The following AHSP variants were observed in gnomAD, a reference collection of about 807,000 sequenced individuals.
AHSP encodes the protein alpha-hemoglobin-stabilizing protein.
A neutral mutation model predicts 2.7 loss-of-function variants in AHSP; 5 were observed. That is an observed-to-expected ratio of 1.86 (90% CI 0.97 to 3.92). The LOEUF is 3.92. Among genes scored for constraint, AHSP ranks in the 30% most tolerant of loss-of-function variants. The probability of loss-of-function intolerance (pLI) is 0.00; values close to 1 mark genes in which losing one functional copy is unlikely to be tolerated. For synonymous variants in AHSP, 50 were observed against 48.4 expected, an observed-to-expected ratio of 1.03 and a Z score of -0.14; for missense variants, 134 against 119.8, an observed-to-expected ratio of 1.12 and a Z score of -0.55.
intron 2 of AHSP, 59 bp downstream of exon 2, chr16:31,528,273 G>T (rs1369416821): frequency 7.2e-6 from 11 of 1,522,002 alleles, no homozygotes; most frequent in Non-Finnish European, 1.0e-5. Context: ...TGCCGGGGAA[G>T]TGGAGGAAGA....
rs2082742085 is a variant in AHSP at position 31,528,465 on chromosome 16, A to G, written c.83A>G (p.Asn28Ser). 2.5e-6 allele frequency: 4 copies of G among 1,614,116 alleles called. No individual in the cohort carries two copies. The highest frequency in any genetic ancestry group is 2.2e-5 in the East Asian group (1 of 44,876). ...CTCTCCGCAACCCCCCAGGTCTTCA[A>G]TGATCCTCTCGTCTCTGAAGAAGAC... ...FSVLLNQQVF[N>S]DPLVSEEDMV... The change falls in exon 3 of 3, where the codon AAT (asparagine) becomes AGT (serine). Residue 28 changes from asparagine to serine, a missense_variant. Physicochemically the swap from Asn to Ser is conservative, Grantham distance 46 (BLOSUM62 1). Coordinates refer to ENST00000302312, the MANE Select transcript of AHSP (RefSeq NM_016633.4).
In AHSP at chr16:31,528,718, A is replaced by G. The variant is rs750086612; in HGVS notation, c.*27A>G. 6.3e-7 allele frequency: 1 copy of G among 1,589,366 alleles called. No homozygotes were observed. Among genetic ancestry groups the G allele is most frequent in the Admixed American group, 1.7e-5 (1 of 58,664 alleles). On this transcript the variant is annotated 3_prime_UTR_variant, in exon 3 of 3. Coordinates refer to ENST00000302312, the MANE Select transcript of AHSP (RefSeq NM_016633.4). ...TCAGGGACCCAGCCCCTCCTCTCTG[A>G]GAAACTCTGACCTTCATGTCCTTAG...
At position 31,528,634 on chromosome 16, in the gene AHSP, G is replaced by A. The variant is rs1470977859; in HGVS notation, c.252G>A (p.Lys84=). 1 of 1,614,074 alleles carries A rather than the reference G, an allele frequency of 6.2e-7. No individual in the cohort carries two copies. Among genetic ancestry groups the A allele is most frequent in the Non-Finnish European group, 8.5e-7 (1 of 1,180,024 alleles). ...LNTLANPFLA[K]YRDFLKSHEL... ...CTCTGGCCAACCCTTTCCTGGCCAA[G>A]TACAGGGACTTCCTGAAGTCTCATG... is the stretch of plus-strand genomic sequence containing the variant. The change falls in exon 3 of 3, where the codon AAG becomes AAA. Residue 84 remains lysine, a synonymous_variant. Coordinates refer to ENST00000302312, the MANE Select transcript of AHSP (RefSeq NM_016633.4).
chr16:31,528,122 T>C lies in AHSP; in HGVS notation c.-4-14T>C. ...GGAAACAGATATGTAAATTCTACCC[T>C]TTTCTCTACCCAGGCAGATGGCTCT... On this transcript the variant is annotated splice_polypyrimidine_tract_variant and intron_variant, in intron 1 of 2. Transcript: ENST00000302312. 6.8e-6 allele frequency: 11 copies of C among 1,606,696 alleles called. No homozygotes were observed. The highest frequency in any genetic ancestry group is 9.4e-6 in the Non-Finnish European group (11 of 1,173,738).
Position 31,528,528 on chromosome 16 carries a change from T to A in AHSP, c.146T>A (p.Ile49Asn). The stretch of plus-strand genomic sequence containing the variant: ...GTGGAGGACTGGATGAACTTCTACA[T>A]CAACTATTACAGGCAGCAGGTGACA... ...TVVEDWMNFY[I>N]NYYRQQVTGE... The change falls in exon 3 of 3, where the codon ATC becomes AAC. Residue 49 changes from isoleucine (I) to asparagine (N), a missense_variant. Physicochemically the swap from Ile to Asn is moderately radical, Grantham distance 149. Transcript: ENST00000302312. The A allele has an allele frequency of 6.2e-7, 1 of 1,614,104 alleles. No homozygotes were observed. Among genetic ancestry groups the A allele is most frequent in the African/African-American group, 1.3e-5 (1 of 75,006 alleles).
chr16:31,528,084 A>G, intron 1 of AHSP, 52 bp from the exon 2 acceptor site: 2 of 1,424,438 alleles, frequency 1.4e-6, no homozygotes. Context: ...TGGGGGAAAT[A>G]CCCAGTGAGG....
intron 1 of AHSP, 77 bp from the exon 2 acceptor site, chr16:31,528,059 G>A: frequency 8.5e-7 from 1 of 1,183,182 alleles, no homozygotes; most frequent in Non-Finnish European, 1.3e-6. Context: ...GGATTTTTAA[G>A]GGGAGGAAGT....
In AHSP at chr16:31,528,351, A is replaced by G. The variant is rs1362518188; in HGVS notation, c.76-107A>G. ...CAACGAGAGACACGGGATACAATGC[A>G]GAGGAAAGAGAATGTGAGAGTTGGT... On this transcript the variant is annotated intron_variant, in intron 2 of 2. Transcript: ENST00000302312. 3.1e-6 allele frequency: 4 copies of G among 1,298,350 alleles called. No homozygotes were observed. The East Asian group carries it at 9.3e-5, about 30-fold the overall frequency. 80.4% of individuals were successfully genotyped at this position (1,298,350 alleles called of 1,614,324 possible).
chr16:31,528,703 A>G lies in AHSP; in HGVS notation c.*12A>G. ...CGCCCTCCTCCTAGCTCAGGGACCC[A>G]GCCCCTCCTCTCTGAGAAACTCTGA... is the stretch of plus-strand genomic sequence containing the variant. On this transcript the variant is annotated 3_prime_UTR_variant, in exon 3 of 3. Transcript: ENST00000302312. The G allele has an allele frequency of 6.2e-7, 1 of 1,606,696 alleles. No individual in the cohort carries two copies. Among genetic ancestry groups the G allele is most frequent in the South Asian group, 1.1e-5 (1 of 90,290 alleles).
intron 2 of AHSP, 70 bp from the exon 3 acceptor site, chr16:31,528,388 A>G: frequency 7.1e-7 from 1 of 1,414,604 alleles, no homozygotes; most frequent in Non-Finnish European, 1.0e-6. Flanking sequence ...CTGTGGCACT[A>G]TTCTAGTATT....
chr16:31,528,473 C>T lies in AHSP; in HGVS notation c.91C>T (p.Leu31Phe), dbSNP rs756718832. ...LLNQQVFNDP[L>F]VSEEDMVTVV... ...AACCCCCCAGGTCTTCAATGATCCT[C>T]TCGTCTCTGAAGAAGACATGGTGAC... The change falls in exon 3 of 3, where the codon CTC (leucine) becomes TTC (phenylalanine). Residue 31 changes from leucine (L) to phenylalanine (F), a missense_variant. Leu to Phe is a conservative substitution (Grantham distance 22, BLOSUM62 0). Coordinates refer to ENST00000302312, the MANE Select transcript of AHSP (RefSeq NM_016633.4). The T allele has an allele frequency of 4.3e-6, 7 of 1,614,050 alleles. No individual in the cohort carries two copies. The highest frequency in any genetic ancestry group is 1.7e-6 in the Non-Finnish European group (2 of 1,180,006).
chr16:31,528,215 G>C lies in AHSP; in HGVS notation c.75+1G>C. ...GTTCAGCGTTCTGCTGAATCAGCAGGTGAGTCCAAGCTTTCCATTTCAAAG... is the reference window on the plus strand; with the variant it reads ...GTTCAGCGTTCTGCTGAATCAGCAGCTGAGTCCAAGCTTTCCATTTCAAAG... On this transcript the variant is annotated splice_donor_variant, in intron 2 of 2. Coordinates refer to ENST00000302312, the MANE Select transcript of AHSP (RefSeq NM_016633.4). LOFTEE classifies it high-confidence loss of function. The C allele has an allele frequency of 6.2e-7, 1 of 1,613,538 alleles. No homozygotes were observed. The highest frequency in any genetic ancestry group is 8.5e-7 in the Non-Finnish European group (1 of 1,179,576).
At position 31,528,144 on chromosome 16, in the gene AHSP, C is replaced by G; in HGVS notation, c.5C>G (p.Ala2Gly). 1 of 1,613,658 alleles carries G rather than the reference C, an allele frequency of 6.2e-7. No individual in the cohort carries two copies. Among genetic ancestry groups the G allele is most frequent in the African/African-American group, 1.3e-5 (1 of 75,050 alleles). The change falls in exon 2 of 3, where the codon GCT becomes GGT. Residue 2 changes from alanine to glycine, a missense_variant. Ala to Gly is a moderately conservative substitution (Grantham distance 60). Transcript: ENST00000302312. ...CCCTTTTCTCTACCCAGGCAGATGG[C>G]TCTTCTTAAGGCCAATAAGGATCTC... M[A>G]LLKANKDLIS...
Position 31,528,435 on chromosome 16 carries a change from A to G in AHSP, c.76-23A>G, listed in dbSNP as rs376320581. 136 of 1,605,178 alleles carry G rather than the reference A, an allele frequency of 8.5e-5. 1 individual carries two copies. The African/African-American group carries it at 1.7e-3, about 20-fold the overall frequency. ...TTGCTGACCACATTCTCCCTTGCCAACTGCCTCTCCGCAACCCCCCAGGTC... is the reference window on the plus strand; with the variant it reads ...TTGCTGACCACATTCTCCCTTGCCAGCTGCCTCTCCGCAACCCCCCAGGTC... On this transcript the variant is annotated intron_variant, in intron 2 of 2. Transcript: ENST00000302312.
chr16:31,528,013 AG>A (rs2082738880), intron 1 of AHSP, 51 bp downstream of exon 1: 2 of 815,998 alleles, frequency 2.5e-6, no homozygotes, highest in Non-Finnish European at 4.2e-6. Flanking sequence ...AGGATGTGAA[AG>A]GTTTTGGAAA....
At chr16:31,528,025 G>T in intron 1 of AHSP, 63 bp downstream of exon 1, 1 of 893,950 alleles carries the variant, frequency 1.1e-6, no homozygotes, top group Non-Finnish European at 1.9e-6. Context: ...GTTTTGGAAA[G>T]GAGATAGCCC....
Position 31,528,488 on chromosome 16 carries a change from G to C in AHSP, c.106G>C (p.Asp36His), listed in dbSNP as rs2082742402. The change falls in exon 3 of 3, where the codon GAC (aspartate) becomes CAC (histidine). Residue 36 changes from aspartate to histidine, a missense_variant. Physicochemically the swap from Asp to His is moderately conservative, Grantham distance 81 (BLOSUM62 -1). Coordinates refer to ENST00000302312, the MANE Select transcript of AHSP (RefSeq NM_016633.4). The part of the protein sequence containing the change: ...VFNDPLVSEE[D>H]MVTVVEDWMN... ...CAATGATCCTCTCGTCTCTGAAGAA[G>C]ACATGGTGACTGTGGTGGAGGACTG... 1.2e-6 allele frequency: 2 copies of C among 1,614,084 alleles called. No homozygotes were observed. The highest frequency in any genetic ancestry group is 1.7e-5 in the Admixed American group (1 of 60,006).
intron 2 of AHSP, 94 bp downstream of exon 2, chr16:31,528,308 T>C: frequency 1.5e-6 from 2 of 1,363,792 alleles, no homozygotes; most frequent in South Asian, 1.2e-5. Flanking sequence ...GGTGAAGTAA[T>C]GGTGGAGTTG....
rs542602483 is a variant in AHSP, at chr16:31,527,915, C to T, written c.-52C>T. The T allele has an allele frequency of 1.8e-6, 1 of 567,658 alleles. No homozygotes were observed. Among genetic ancestry groups the T allele is most frequent in the Non-Finnish European group, 3.2e-6 (1 of 313,480 alleles). The allele number at this position is 567,658 out of a possible 1,614,324, so 35.2% of individuals were successfully genotyped here. On this transcript the variant is annotated 5_prime_UTR_variant, in exon 1 of 3. Coordinates refer to ENST00000302312, the MANE Select transcript of AHSP (RefSeq NM_016633.4). ...ATAGCTTGGCACAGAGAGATTCACG[C>T]ACCCTCAAGAGTGTGGGTGAGACAT...
Sources: gnomAD v4.1 joint callset for allele counts on GRCh38, gnomAD v4.1.1 for gene constraint, MANE v1.5 for transcripts, NCBI Gene and HGNC (gene_info 2026-07-23, HGNC 2026-07-21) for gene names.